The following ADGRL3 variants were observed in gnomAD, a reference collection of about 807,000 sequenced individuals.
ADGRL3 encodes the protein calcium-independent alpha-latrotoxin receptor 3.
In ADGRL3, 62 loss-of-function variants were observed where a neutral mutation model predicts 153.5. The ratio of observed to expected loss-of-function variants is 0.40; its 90% CI spans 0.33 to 0.50. ADGRL3 has a LOEUF of 0.50. Among genes scored for constraint, ADGRL3 ranks in the 20% least tolerant of loss-of-function variants. The pLI, the probability that ADGRL3 is intolerant of heterozygous loss-of-function variation, is 0.47. For synonymous variants in ADGRL3, 710 were observed against 672.5 expected (o/e 1.06, Z -0.86); for missense variants, 1,641 against 1,859.4 (o/e 0.88, Z 2.16).
intron 1 of ADGRL3, among the ~76,000 whole-genome samples, chr4:61,218,133 G>A (rs1420607270): frequency 1.3e-5 from 2 of 152,158 alleles, no homozygotes; most frequent in South Asian, 2.1e-4. Flanking sequence ...TAATAGTGAA[G>A]TATGTTTTAA....
intron 13 of ADGRL3, among the ~76,000 whole-genome samples, chr4:61,918,399 C>G (rs1396725286): frequency 6.6e-6 from 1 of 152,060 alleles, no homozygotes; most frequent in Non-Finnish European, 1.5e-5. Context: ...GCATGGTGTT[C>G]AATTGTGAGA....
chr4:61,207,055 T>C (rs1285720584), intron 1 of ADGRL3, among the ~76,000 whole-genome samples: 1 of 151,960 alleles, frequency 6.6e-6, no homozygotes. Context: ...TTTATTATTA[T>C]TATTATTATT....
intron 1 of ADGRL3, among the ~76,000 whole-genome samples, chr4:61,223,944 T>C (rs539848962): frequency 3.9e-5 from 6 of 152,346 alleles, no homozygotes; most frequent in Admixed American, 3.9e-4. Flanking sequence ...TTTTAAATTT[T>C]TCATGCATTG....
chr4:61,607,139 G>T (rs2099035438), intron 5 of ADGRL3, among the ~76,000 whole-genome samples: 1 of 152,128 alleles, frequency 6.6e-6, no homozygotes, highest in Non-Finnish European at 1.5e-5. Flanking sequence ...ACTAGGGAAT[G>T]GGTGCTGCTG....
chr4:61,225,501 G>A (rs931370471), intron 1 of ADGRL3, among the ~76,000 whole-genome samples: 3 of 152,016 alleles, frequency 2.0e-5, no homozygotes, highest in Non-Finnish European at 4.4e-5. Context: ...TGCTGTCCTG[G>A]GGTATAAACA....
At chr4:61,812,182 A>G (rs1436042551) in intron 8 of ADGRL3, among the ~76,000 whole-genome samples, 1 of 152,202 alleles carries the variant, frequency 6.6e-6, no homozygotes, top group Non-Finnish European at 1.5e-5. Flanking sequence ...CTAACAGTAC[A>G]CAATTAGTGT....
At chr4:61,711,459 TA>T (rs1309653197) in intron 6 of ADGRL3, among the ~76,000 whole-genome samples, 328 of 13,776 alleles carry the variant, frequency 0.024, 40 homozygotes, top group Middle Eastern at 0.14. Flanking sequence ...TATGCTTCAT[TA>T]TATATATATA....
At chr4:61,563,231 A>T (rs751621790) in intron 4 of ADGRL3, among the ~76,000 whole-genome samples, 1 of 152,178 alleles carries the variant, frequency 6.6e-6, no homozygotes, top group Non-Finnish European at 1.5e-5. Flanking sequence ...GACAGAATGC[A>T]TTGTAAATAA....
chr4:61,845,374 G>A (rs2098103421), intron 9 of ADGRL3, among the ~76,000 whole-genome samples: 1 of 151,400 alleles, frequency 6.6e-6, no homozygotes, highest in South Asian at 2.1e-4. Flanking sequence ...TTTTGAGACA[G>A]GACCTTGCTC....
chr4:61,213,874 A>G (rs1282973569), intron 1 of ADGRL3, among the ~76,000 whole-genome samples: 4 of 152,090 alleles, frequency 2.6e-5, no homozygotes, highest in Non-Finnish European at 5.9e-5. Flanking sequence ...TCTAGTACAG[A>G]TTCCTTGAAG....
intron 2 of ADGRL3, among the ~76,000 whole-genome samples, chr4:61,397,361 G>C (rs1291538942): frequency 6.6e-6 from 1 of 151,824 alleles, no homozygotes; most frequent in East Asian, 1.9e-4. Flanking sequence ...GCTGAGTCAC[G>C]CTCCATTTGT....
intron 8 of ADGRL3, among the ~76,000 whole-genome samples, chr4:61,802,358 C>G (rs935566715): frequency 9.2e-5 from 14 of 152,068 alleles, no homozygotes; most frequent in African/African-American, 3.4e-4. Context: ...AAGAGTGAGG[C>G]TTGCTTCAGA....
intron 4 of ADGRL3, among the ~76,000 whole-genome samples, chr4:61,530,757 T>C (rs534146681): frequency 5.3e-5 from 8 of 152,288 alleles, no homozygotes; most frequent in Non-Finnish European, 1.2e-4. Context: ...ACTTCCTCAC[T>C]CTTATAGGTA....
chr4:61,351,605 T>C (rs570222749), intron 1 of ADGRL3, among the ~76,000 whole-genome samples: 19 of 152,310 alleles, frequency 1.2e-4, no homozygotes, highest in African/African-American at 4.1e-4. Context: ...TGCTCACTTA[T>C]CATTCCCAAG....
At chr4:61,309,656 A>C (rs1393267671) in intron 1 of ADGRL3, among the ~76,000 whole-genome samples, 1 of 152,238 alleles carries the variant, frequency 6.6e-6, no homozygotes, top group Admixed American at 6.5e-5. Context: ...TTAGAGTCTT[A>C]ATTTTTAGAT....
chr4:61,478,378 G>A (rs2098090187), intron 2 of ADGRL3, among the ~76,000 whole-genome samples: 4 of 151,856 alleles, frequency 2.6e-5, no homozygotes, highest in Non-Finnish European at 4.4e-5. Flanking sequence ...AATCAACAAA[G>A]CAAAAGAGAA....
intron 1 of ADGRL3, among the ~76,000 whole-genome samples, chr4:61,360,943 GA>G (rs2096273190): frequency 6.6e-6 from 1 of 152,076 alleles, no homozygotes; most frequent in African/African-American, 2.4e-5. Context: ...CTGTGAGGTA[GA>G]TACTACTATT....
At chr4:61,460,373 G>A (rs937283146) in intron 2 of ADGRL3, among the ~76,000 whole-genome samples, 3 of 152,018 alleles carry the variant, frequency 2.0e-5, no homozygotes, top group African/African-American at 7.2e-5. Context: ...GCCATAAAAG[G>A]GAATGAAATT....
At chr4:61,927,706 T>TAAAG (rs2098800311) in intron 13 of ADGRL3, among the ~76,000 whole-genome samples, 1 of 152,182 alleles carries the variant, frequency 6.6e-6, no homozygotes, top group African/African-American at 2.4e-5. Context: ...ACTTGACCTT[T>TAAAG]ACATTTTGAT....
Sources: allele counts gnomAD v4.1 joint callset (sites outside exome capture counted in the v4.1 genomes callset), GRCh38; gene constraint gnomAD v4.1.1; transcripts MANE v1.5; gene names NCBI Gene and HGNC (gene_info 2026-07-23, HGNC 2026-07-21).